Variants in DNAH1 observed in about 807,000 individuals in gnomAD.
DNAH1 encodes the protein dynein axonemal heavy chain 1.
DNAH1 carries 327 observed loss-of-function variants against 484.3 expected under a neutral mutation model. The observed-to-expected ratio is 0.68, with a 90% CI of 0.62 to 0.74. The LOEUF is 0.74. Ranked by LOEUF, DNAH1 falls within the 30% of genes least tolerant of loss-of-function variation. DNAH1 has a pLI of 0.00. For synonymous variants in DNAH1, 2,192 were observed against 2,191.9 expected, an observed-to-expected ratio of 1.00 and a Z score of 0.00; for missense variants, 5,052 against 5,546.8, an observed-to-expected ratio of 0.91 and a Z score of 2.83.
chr3:52,371,493 G>T (rs1228874271), intron 41 of DNAH1, among the ~76,000 whole-genome samples: 3 of 152,228 alleles, frequency 2.0e-5, no homozygotes, highest in African/African-American at 7.2e-5. Context: ...GTGCAGGCGG[G>T]GACAGTGTTG....
chr3:52,323,865 A>T lies in DNAH1; in HGVS notation c.391A>T (p.Lys131Ter), dbSNP rs1701241345. The change falls in exon 3 of 78, where the codon AAG (lysine) becomes TAG (stop). Residue 131 changes from lysine to a stop codon, truncating the protein, a stop_gained. Coordinates refer to ENST00000420323, the MANE Select transcript of DNAH1 (RefSeq NM_015512.5). LOFTEE classifies it high-confidence loss of function. ...QNLLRQADLD[K>*]FTPRVGSFEV... ...CCTCCTGCGGCAGGCTGACCTTGAC[A>T]AGTTCACCCCAAGAGGTCAGTGCTC... 1.3e-6 allele frequency: 2 copies of T among 1,577,948 alleles called. No individual in the cohort carries two copies. Among genetic ancestry groups the T allele is most frequent in the Non-Finnish European group, 1.7e-6 (2 of 1,161,756 alleles).
chr3:52,390,247 T>C (rs2153225512), intron 60 of DNAH1, among the ~76,000 whole-genome samples: 1 of 152,268 alleles, frequency 6.6e-6, no homozygotes, highest in South Asian at 2.1e-4. Context: ...AGTGGATTGC[T>C]TGAGCCCAGA....
chr3:52,359,108 T>C (rs1320442898), intron 25 of DNAH1, 138 bp from the exon 26 acceptor site: 2 of 1,295,602 alleles, frequency 1.5e-6, no homozygotes, highest in Non-Finnish European at 2.1e-6. Flanking sequence ...AGGGCTTCCC[T>C]GCTCTGAAGG....
chr3:52,398,303 C>CA, intron 75 of DNAH1, 141 bp downstream of exon 75: 2 of 1,129,856 alleles, frequency 1.8e-6, no homozygotes, highest in Non-Finnish European at 2.4e-6. Flanking sequence ...TTGTTGTTGA[C>CA]ACGGAGTCTC....
chr3:52,348,362 C>T (rs1030863330), intron 12 of DNAH1, among the ~76,000 whole-genome samples: 4 of 152,204 alleles, frequency 2.6e-5, no homozygotes, highest in Admixed American at 6.5e-5. Context: ...GTAGACCCCA[C>T]GCTCTTGATC....
intron 6 of DNAH1, among the ~76,000 whole-genome samples, chr3:52,328,475 T>C (rs1701431537): frequency 6.6e-6 from 1 of 152,170 alleles, no homozygotes; most frequent in Non-Finnish European, 1.5e-5. Flanking sequence ...GCACATTCAC[T>C]GTCATACACA....
At chr3:52,390,382 C>A in intron 60 of DNAH1, among the ~76,000 whole-genome samples, 1 of 152,102 alleles carries the variant, frequency 6.6e-6, no homozygotes, top group East Asian at 1.9e-4. Context: ...GGAGGATCAC[C>A]TGAACCCAGG....
At chr3:52,387,115 A>G (rs1704144859) in intron 56 of DNAH1, among the ~76,000 whole-genome samples, 1 of 152,212 alleles carries the variant, frequency 6.6e-6, no homozygotes, top group Non-Finnish European at 1.5e-5. Context: ...TATTGAGGAA[A>G]TTGGGACCTG....
chr3:52,372,087 G>T lies in DNAH1; in HGVS notation c.6666+1G>T. The T allele has an allele frequency of 6.2e-7, 1 of 1,613,312 alleles. No individual in the cohort carries two copies. The highest frequency in any genetic ancestry group is 8.5e-7 in the Non-Finnish European group (1 of 1,179,686). On this transcript the variant is annotated splice_donor_variant, in intron 42 of 77. Transcript: ENST00000420323. LOFTEE classifies it high-confidence loss of function. ...CATGCTGCTCACCAACAAGAAGCCC[G>T]TGAGCACCCCCCCAGGCCCTGCCTC...
intron 44 of DNAH1, 136 bp downstream of exon 44, chr3:52,373,189 A>C: frequency 1.0e-5 from 10 of 959,136 alleles, no homozygotes; most frequent in South Asian, 1.9e-5. Context: ...ATTAAAGGGG[A>C]GGAGGGGGGC....
intron 20 of DNAH1, among the ~76,000 whole-genome samples, chr3:52,354,430 C>T (rs915502153): frequency 7.2e-5 from 11 of 152,088 alleles, no homozygotes; most frequent in African/African-American, 1.2e-4. Flanking sequence ...GTCAGGAGTT[C>T]GAGACCAGCC....
Position 52,353,074 on chromosome 3 carries a change from G to T in DNAH1, c.3028-29G>T. On this transcript the variant is annotated intron_variant, in intron 18 of 77. Transcript: ENST00000420323. This position sits in a 1 kb window ranked among gnomAD's most constrained non-coding sequence, Gnocchi z 5.0. Reference sequence around the variant, plus strand: ...AGAGACTGGGAAGTGTCCCAAGACAGCCCCAGCCCTGCCCTCCTGTCCCTG... The same window carrying T: ...AGAGACTGGGAAGTGTCCCAAGACATCCCCAGCCCTGCCCTCCTGTCCCTG... The T allele has an allele frequency of 6.3e-7, 1 of 1,593,466 alleles. No individual in the cohort carries two copies. Among genetic ancestry groups the T allele is most frequent in the Non-Finnish European group, 8.6e-7 (1 of 1,168,384 alleles).
intron 8 of DNAH1, among the ~76,000 whole-genome samples, chr3:52,334,527 A>G (rs1265501765): frequency 1.3e-5 from 2 of 152,182 alleles, no homozygotes; most frequent in Non-Finnish European, 2.9e-5. Context: ...GATGGCTTAC[A>G]TCTATAATCC....
rs752415237 is a variant in DNAH1 at position 52,353,418 on chromosome 3, G to A, written c.3265G>A (p.Glu1089Lys). 1.5e-5 allele frequency: 25 copies of A among 1,613,612 alleles called. No homozygotes were observed. Among genetic ancestry groups the A allele is most frequent in the East Asian group, 2.2e-5 (1 of 44,898 alleles). The change falls in exon 20 of 78, where the codon GAG becomes AAG. Residue 1089 changes from glutamate (E) to lysine (K), a missense_variant. Glu to Lys is a moderately conservative substitution (Grantham distance 56). Transcript: ENST00000420323. The surrounding 1 kb of genome is among the most constrained non-coding windows in gnomAD (Gnocchi z 5.0). ...EVALDIRARI[E>K]EFKPYIPLIQ... ...GGCCTTGGACATCCGGGCCCGCATC[G>A]AGGAGTTCAAACCATACATCCCACT...
Position 52,388,568 on chromosome 3 carries a change from A to AAGTGTGAGC in DNAH1, c.9334_9342dup (p.Cys3112_Gln3114dup). 2 of 1,612,892 alleles carry AAGTGTGAGC rather than the reference A, an allele frequency of 1.2e-6. No individual in the cohort carries two copies. Among genetic ancestry groups the AAGTGTGAGC allele is most frequent in the Non-Finnish European group, 8.5e-7 (1 of 1,179,586 alleles). On this transcript the variant is annotated inframe_insertion, in exon 58 of 78. Coordinates refer to ENST00000420323, the MANE Select transcript of DNAH1 (RefSeq NM_015512.5). ...TACCAAGAAGGAGGAGCTGGAGCTG[A>AAGTGTGAGC]AGTGTGAGCAGTGTGAGCAGCGGCT...
At chr3:52,369,786 T>A in intron 37 of DNAH1, 39 bp from the exon 38 acceptor site, 1 of 1,573,226 alleles carries the variant, frequency 6.4e-7, no homozygotes, top group Non-Finnish European at 8.7e-7. Flanking sequence ...GCCTGAGGAC[T>A]GGCAGCCAGC....
rs1185122975 is a variant in DNAH1 at position 52,381,186 on chromosome 3, T to C, written c.7609-454T>C. 6.6e-6 allele frequency among the ~76,000 whole-genome samples: 1 copy of C among 152,194 alleles called. No homozygotes were observed. The highest frequency in any genetic ancestry group is 2.4e-5 in the African/African-American group (1 of 41,446). The stretch of plus-strand genomic sequence containing the variant: ...CATGAACTTGGCTTACTGCAGCCTC[T>C]ACCTCATGGGCTCTATCAGTCGTCC... On this transcript the variant is annotated intron_variant, in intron 48 of 77. Transcript: ENST00000420323. The surrounding 1 kb of genome is among the most constrained non-coding windows in gnomAD (Gnocchi z 4.1).
chr3:52,328,603 G>A (rs1023351581), intron 6 of DNAH1, among the ~76,000 whole-genome samples: 4 of 152,268 alleles, frequency 2.6e-5, no homozygotes, highest in African/African-American at 9.6e-5. Flanking sequence ...ACACAGGTTT[G>A]CCTTGTCTTG....
At chr3:52,351,536 G>T (rs769868101) in intron 16 of DNAH1, among the ~76,000 whole-genome samples, 1 of 152,214 alleles carries the variant, frequency 6.6e-6, no homozygotes, top group African/African-American at 2.4e-5. Context: ...ATGTCAGCTG[G>T]GCAAAGGGAG....
Sources: allele counts gnomAD v4.1 joint callset (sites outside exome capture counted in the v4.1 genomes callset), GRCh38; gene constraint gnomAD v4.1.1; non-coding constraint Gnocchi (gnomAD v3.1); transcripts MANE v1.5; gene names NCBI Gene and HGNC (gene_info 2026-07-23, HGNC 2026-07-21).